Variants in PDE4B observed in about 807,000 individuals in gnomAD.
PDE4B encodes the protein 3',5'-cyclic-AMP phosphodiesterase 4B.
Under a neutral mutation model 82.2 loss-of-function variants are expected in PDE4B, and 20 were observed. The ratio of observed to expected loss-of-function variants is 0.24; its 90% confidence interval spans 0.17 to 0.35. The LOEUF (loss-of-function observed/expected upper bound fraction) is 0.35, where lower values mean the gene tolerates loss of function less well. Among genes scored for constraint, PDE4B ranks in the 10% least tolerant of loss-of-function variants. The probability of loss-of-function intolerance (pLI) is 1.00; values close to 1 mark genes in which losing one functional copy is unlikely to be tolerated. For synonymous variants in PDE4B, 320 were observed against 318.9 expected (o/e 1.00, Z -0.04); for missense variants, 655 against 907.2 (o/e 0.72, Z 3.57).
intron 8 of PDE4B, among the ~76,000 whole-genome samples, chr1:66,347,065 C>A (rs1661446317): frequency 6.6e-6 from 1 of 152,174 alleles, no homozygotes; most frequent in South Asian, 2.1e-4. Flanking sequence ...TCAGATGCTC[C>A]TATATCATGC....
At chr1:65,989,492 A>G (rs2100673084) in intron 3 of PDE4B, among the ~76,000 whole-genome samples, 1 of 152,276 alleles carries the variant, frequency 6.6e-6, no homozygotes, top group Non-Finnish European at 1.5e-5. Flanking sequence ...CACTGTCTAA[A>G]AAATAAAATA....
intron 3 of PDE4B, among the ~76,000 whole-genome samples, chr1:66,238,257 A>C (rs999692233): frequency 1.3e-5 from 2 of 152,228 alleles, no homozygotes; most frequent in South Asian, 2.1e-4. Flanking sequence ...TGCTGAATTG[A>C]GAAAGGATTT....
chr1:66,159,174 A>T (rs150235065), intron 3 of PDE4B, among the ~76,000 whole-genome samples: 9 of 152,308 alleles, frequency 5.9e-5, no homozygotes, highest in African/African-American at 2.2e-4. Flanking sequence ...TAATGTGTAC[A>T]TGTATTGGAA....
intron 8 of PDE4B, among the ~76,000 whole-genome samples, chr1:66,335,831 GC>G: frequency 6.6e-6 from 1 of 152,188 alleles, no homozygotes. Context: ...GTTAGAGCTA[GC>G]CGTTTTGCTT....
At chr1:66,101,347 A>T (rs1455082488) in intron 3 of PDE4B, among the ~76,000 whole-genome samples, 2 of 152,210 alleles carry the variant, frequency 1.3e-5, no homozygotes, top group African/African-American at 4.8e-5. Context: ...GTATATGTCC[A>T]GTAACGGGAT....
At chr1:66,190,836 C>T (rs546628543) in intron 3 of PDE4B, among the ~76,000 whole-genome samples, 9 of 152,132 alleles carry the variant, frequency 5.9e-5, no homozygotes, top group Non-Finnish European at 1.0e-4. Context: ...GTGTGCTGCA[C>T]GTGCTGTCCT....
intron 1 of PDE4B, among the ~76,000 whole-genome samples, chr1:65,801,470 T>A (rs1015339299): frequency 3.3e-5 from 5 of 152,208 alleles, no homozygotes; most frequent in African/African-American, 1.2e-4. Context: ...TCTATGTAAT[T>A]ACTGACCTTG....
At chr1:65,906,717 T>C (rs1348664539) in intron 1 of PDE4B, among the ~76,000 whole-genome samples, 1 of 152,158 alleles carries the variant, frequency 6.6e-6, no homozygotes, top group East Asian at 1.9e-4. Context: ...AAGAATTCTT[T>C]CTTTTTTTGT....
At chr1:65,893,206 A>G (rs1646871290) in intron 1 of PDE4B, among the ~76,000 whole-genome samples, 1 of 152,144 alleles carries the variant, frequency 6.6e-6, no homozygotes, top group Non-Finnish European at 1.5e-5. Flanking sequence ...TCATTAGTGG[A>G]CTTATTTTTA....
intron 3 of PDE4B, among the ~76,000 whole-genome samples, chr1:65,971,168 A>G (rs1650109853): frequency 6.6e-6 from 1 of 151,882 alleles, no homozygotes; most frequent in Non-Finnish European, 1.5e-5. Context: ...CTGGAGGCAC[A>G]AAAACTTACA....
At chr1:66,284,281 T>C (rs1156304650) in intron 7 of PDE4B, among the ~76,000 whole-genome samples, 1 of 152,290 alleles carries the variant, frequency 6.6e-6, no homozygotes, top group East Asian at 1.9e-4. Context: ...AGCTCGGTCA[T>C]TCATTATACG....
At chr1:66,118,746 G>A (rs2101071897) in intron 3 of PDE4B, among the ~76,000 whole-genome samples, 1 of 151,558 alleles carries the variant, frequency 6.6e-6, no homozygotes, top group Admixed American at 6.6e-5. Context: ...TTATTTCATT[G>A]ACAGATTGTC....
At chr1:65,944,256 T>A (rs1209570317) in intron 3 of PDE4B, among the ~76,000 whole-genome samples, 1 of 149,726 alleles carries the variant, frequency 6.7e-6, no homozygotes, top group Admixed American at 6.7e-5. Flanking sequence ...TGGTTTTTGA[T>A]TTTTTTTTTA....
At chr1:66,178,132 G>C (rs755845321) in intron 3 of PDE4B, among the ~76,000 whole-genome samples, 1 of 151,394 alleles carries the variant, frequency 6.6e-6, no homozygotes, top group Non-Finnish European at 1.5e-5. Flanking sequence ...ATATTTTGAA[G>C]TTACCAAGTA....
chr1:66,284,507 G>T (rs981441284), intron 7 of PDE4B, among the ~76,000 whole-genome samples: 4 of 152,106 alleles, frequency 2.6e-5, no homozygotes, highest in South Asian at 4.1e-4. Context: ...AACAAATGGA[G>T]GCCAGCCAGG....
chr1:66,351,813 T>C (rs902009642), intron 8 of PDE4B, among the ~76,000 whole-genome samples: 20 of 152,226 alleles, frequency 1.3e-4, no homozygotes, highest in African/African-American at 4.8e-4. Context: ...GGGAGTCAGA[T>C]GCTGAAAGCC....
intron 3 of PDE4B, among the ~76,000 whole-genome samples, chr1:66,124,244 A>G (rs1371609044): frequency 6.6e-6 from 1 of 152,222 alleles, no homozygotes; most frequent in Non-Finnish European, 1.5e-5. Context: ...TACTGTTGCC[A>G]TAGCTTGAAA....
chr1:66,255,545 G>A (rs79447477), intron 4 of PDE4B, among the ~76,000 whole-genome samples: 144 of 152,278 alleles, frequency 9.5e-4, no homozygotes, highest in Admixed American at 3.5e-3. Context: ...ATCTTAATAA[G>A]CGTGTTCAGT....
chr1:66,291,729 G>A (rs759368848), intron 7 of PDE4B, among the ~76,000 whole-genome samples: 2 of 152,072 alleles, frequency 1.3e-5, no homozygotes, highest in African/African-American at 4.8e-5. Context: ...TGGGCTCCAA[G>A]GACTGGCAAT....
Sources: gnomAD v4.1 joint callset for allele counts (sites outside exome capture counted in the v4.1 genomes callset) on GRCh38, gnomAD v4.1.1 for gene constraint, MANE v1.5 for transcripts, NCBI Gene and HGNC (gene_info 2026-07-23, HGNC 2026-07-21) for gene names.